TPP2: variants seen among roughly 807,000 people sequenced by gnomAD.
TPP2 encodes the protein tripeptidyl-peptidase 2.
TPP2 carries 34 observed loss-of-function variants against 155.9 expected under a neutral mutation model. The ratio of observed to expected loss-of-function variants is 0.22; its 90% confidence interval spans 0.17 to 0.29. TPP2 has a LOEUF of 0.29. TPP2 is among the 10% of genes least tolerant of loss of function. TPP2 has a pLI of 1.00. For missense variants in TPP2, 1,028 were observed against 1,522.3 expected (o/e 0.68, Z 5.40); for synonymous variants, 510 against 529.4 (o/e 0.96, Z 0.50).
Position 102,676,552 on chromosome 13 carries a change from T to A in TPP2, c.3699+137T>A. 3.9e-6 allele frequency: 4 copies of A among 1,036,792 alleles called. 1 individual carries two copies. In the South Asian group the frequency reaches 6.1e-5, roughly 16 times the overall value. The allele number at this position is 1,036,792 out of a possible 1,614,324, so 64.2% of individuals were successfully genotyped here. A position where few individuals can be genotyped will look rare whatever the true frequency, so the allele number is the denominator to read the frequency against. On this transcript the variant is annotated intron_variant, in intron 29 of 29. Transcript: ENST00000376052. ...AGTTATTACAGTAATTAGCGTAATA[T>A]GAACTATAGAATAAATATATGAGAG...
At chr13:102,625,456 G>A (rs1351328953) in intron 6 of TPP2, among the ~76,000 whole-genome samples, 2 of 152,046 alleles carry the variant, frequency 1.3e-5, no homozygotes, top group South Asian at 4.1e-4. Flanking sequence ...GAGCCACTGC[G>A]CCCGGCCTTT....
chr13:102,600,175 C>A (rs1345235107), intron 1 of TPP2, among the ~76,000 whole-genome samples: 1 of 152,150 alleles, frequency 6.6e-6, no homozygotes, highest in Non-Finnish European at 1.5e-5. Context: ...CCTTCATCCC[C>A]ACCTTTCATC....
intron 14 of TPP2, 44 bp downstream of exon 14, chr13:102,637,283 G>A: frequency 4.5e-6 from 7 of 1,545,852 alleles, no homozygotes; most frequent in Non-Finnish European, 6.0e-6. Context: ...TCTTTAAAAT[G>A]TTTAAAAGGT....
chr13:102,615,635 GA>G (rs953153159), intron 3 of TPP2, among the ~76,000 whole-genome samples: 3 of 150,394 alleles, frequency 2.0e-5, no homozygotes, highest in African/African-American at 7.3e-5. Context: ...AAAGAGGATG[GA>G]AAAAAAAATA....
Position 102,646,341 on chromosome 13 carries a change from C to A in TPP2, c.2441C>A (p.Pro814Gln). Residue 814 changes from proline (P) to glutamine (Q), a missense_variant, in exon 20 of 30, where the codon CCA (proline) becomes CAA (glutamine). By Grantham distance (76) the Pro-to-Gln change is moderately conservative (BLOSUM62 -1). This residue lies in a region of TPP2 where 325 missense variants were observed against 463.7 expected (regional missense o/e 0.70). Transcript: ENST00000376052. ...CCTTTAGGATCAAGAGATGTTTTGC[C>A]AAATAACCGTCAACTTTATGAGATG... is the stretch of plus-strand genomic sequence containing the variant. ...TKPLGSRDVL[P>Q]NNRQLYEMVL... 6.2e-7 allele frequency: 1 copy of A among 1,613,040 alleles called. No individual in the cohort carries two copies. The highest frequency in any genetic ancestry group is 1.1e-5 in the South Asian group (1 of 91,000).
At chr13:102,600,915 C>A (rs1057018410) in intron 1 of TPP2, among the ~76,000 whole-genome samples, 3 of 151,298 alleles carry the variant, frequency 2.0e-5, no homozygotes, top group Admixed American at 2.0e-4. Flanking sequence ...CAGGGTCTCA[C>A]TCTGTCACCC....
In TPP2 at chr13:102,637,101, C is replaced by G; in HGVS notation, c.1698C>G (p.Ser566=). Residue 566 remains serine, a synonymous_variant, in exon 14 of 30, where the codon TCC becomes TCG. Coordinates refer to ENST00000376052, the MANE Select transcript of TPP2 (RefSeq NM_001330588.2). ...TGCCAGAAAACTCTGAAAAAATATC[C>G]CTTCAGCTTCATTTAGCTCTGACTT... ...PENTENSEKI[S]LQLHLALTSN... is the part of the protein sequence containing the mutation. The G allele has an allele frequency of 6.3e-7, 1 of 1,593,740 alleles. No individual in the cohort carries two copies. The highest frequency in any genetic ancestry group is 8.5e-7 in the Non-Finnish European group (1 of 1,175,252).
At position 102,657,095 on chromosome 13, in the gene TPP2, A is replaced by G. The variant is rs769978404; in HGVS notation, c.3031A>G (p.Thr1011Ala). The G allele has an allele frequency of 1.1e-5, 18 of 1,589,750 alleles. No individual in the cohort carries two copies. The African/African-American group carries it at 1.8e-4, about 16-fold the overall frequency. Residue 1011 changes from threonine (T) to alanine (A), a missense_variant, in exon 25 of 30, where the codon ACA (threonine) becomes GCA (alanine). Thr to Ala is a moderately conservative substitution (Grantham distance 58). Around this residue, in one of 7 missense-constraint regions of TPP2, gnomAD observed 179 missense variants for 274.7 expected, o/e 0.65. Coordinates refer to ENST00000376052, the MANE Select transcript of TPP2 (RefSeq NM_001330588.2). Reference protein sequence around the residue: ...PVHYYLIPPPTKTKNGSKDKE... With the variant: ...PVHYYLIPPPAKTKNGSKDKE... ...TCATTACTACTTAATACCTCCACCA[A>G]CAAAGACTAAGAATGGCAGCAAAGA...
chr13:102,616,347 C>G (rs1278017508), intron 3 of TPP2, 49 bp from the exon 4 acceptor site: 4 of 1,460,388 alleles, frequency 2.7e-6, no homozygotes, highest in Admixed American at 3.6e-5. Context: ...TCTAGGTTTA[C>G]CTGAGTATTT....
chr13:102,662,835 A>G (rs1884321536), intron 25 of TPP2, among the ~76,000 whole-genome samples: 1 of 152,162 alleles, frequency 6.6e-6, no homozygotes, highest in South Asian at 2.1e-4. Flanking sequence ...ATCAGGTAGA[A>G]TTGGGAATTT....
In TPP2 at chr13:102,632,041, G is replaced by A. The variant is rs189775587; in HGVS notation, c.1244+1846G>A. Among the ~76,000 whole-genome samples, 139 of 152,242 alleles carry A rather than the reference G, an allele frequency of 9.1e-4. 2 individuals carry two copies. Among genetic ancestry groups the A allele is most frequent in the Middle Eastern group, 3.4e-3 (1 of 294 alleles). ...GGCCAAGGTAGGTGAATCACTTGAG[G>A]TCAGGAGTTCAAGACCAGCCTGGCC... On this transcript the variant is annotated intron_variant, in intron 10 of 29. Transcript: ENST00000376052.
At position 102,646,403 on chromosome 13, in the gene TPP2, C is replaced by G. The variant is rs142503621; in HGVS notation, c.2490+13C>G. On this transcript the variant is annotated intron_variant, in intron 20 of 29. Coordinates refer to ENST00000376052, the MANE Select transcript of TPP2 (RefSeq NM_001330588.2). ...TAACTTTCATCAAGTAAGTGTTTGC[C>G]TAGTAAAGTGTACCCTTAGGATGAA... The G allele has an allele frequency of 6.3e-7, 1 of 1,598,668 alleles. No homozygotes were observed.
chr13:102,654,934 G>A, intron 24 of TPP2: 1 of 487,256 alleles, frequency 2.1e-6, no homozygotes, highest in South Asian at 1.5e-5. Flanking sequence ...GAGAGGAGCA[G>A]GACAGGCAGC....
chr13:102,627,740 G>T, intron 7 of TPP2, 108 bp from the exon 8 acceptor site: 1 of 753,846 alleles, frequency 1.3e-6, no homozygotes, highest in Non-Finnish European at 2.2e-6. Context: ...TTATAAATTA[G>T]AATATGATTG....
At chr13:102,652,164 T>C (rs1883537305) in intron 24 of TPP2, among the ~76,000 whole-genome samples, 2 of 152,056 alleles carry the variant, frequency 1.3e-5, no homozygotes, top group African/African-American at 2.4e-5. Context: ...TCCCTTGAGC[T>C]CAGCGGTTTG....
intron 16 of TPP2, among the ~76,000 whole-genome samples, chr13:102,641,669 G>A (rs75260003): frequency 0.04 from 6,113 of 152,184 alleles, 183 homozygotes; most frequent in Non-Finnish European, 0.058. Context: ...GGAAATACCA[G>A]ACTTTTCTTG....
chr13:102,664,588 T>C (rs146097670), intron 26 of TPP2, among the ~76,000 whole-genome samples: 2 of 152,304 alleles, frequency 1.3e-5, no homozygotes, highest in East Asian at 3.9e-4. Context: ...GGTATTTTTA[T>C]TATGCATCTG....
At chr13:102,634,240 A>G (rs945758639) in intron 11 of TPP2, 142 bp downstream of exon 11, 3 of 1,160,334 alleles carry the variant, frequency 2.6e-6, no homozygotes, top group African/African-American at 1.6e-5. Context: ...CTTATGTGAT[A>G]ATGATAATTT....
intron 1 of TPP2, among the ~76,000 whole-genome samples, chr13:102,602,680 A>G (rs1196310670): frequency 2.6e-5 from 4 of 152,118 alleles, no homozygotes; most frequent in South Asian, 4.1e-4. Context: ...TTCAGGGTAT[A>G]CCTTAATTAC....
Sources: allele counts gnomAD v4.1 joint callset (sites outside exome capture counted in the v4.1 genomes callset), GRCh38; gene constraint gnomAD v4.1.1; regional missense constraint gnomAD v4.1.1; transcripts MANE v1.5; gene names NCBI Gene and HGNC (gene_info 2026-07-23, HGNC 2026-07-21).